SH3PXD2A: variants seen among roughly 807,000 people sequenced by gnomAD.
SH3PXD2A encodes the protein SH3 and PX domains 2A, also known as SH3 and PX domain-containing protein 2A.
Under a neutral mutation model 115.2 loss-of-function variants are expected in SH3PXD2A, and 32 were observed. The ratio of observed to expected loss-of-function variants is 0.28; its 90% confidence interval spans 0.21 to 0.37. The LOEUF (loss-of-function observed/expected upper bound fraction) is 0.37. Ranked by LOEUF, SH3PXD2A falls within the 10% of genes least tolerant of loss-of-function variation. The probability of loss-of-function intolerance (pLI) is 1.00; values close to 1 mark genes in which losing one functional copy is unlikely to be tolerated. For synonymous variants in SH3PXD2A, 610 were observed against 629.1 expected (o/e 0.97, Z 0.45); for missense variants, 1,328 against 1,498.7 (o/e 0.89, Z 1.88).
intron 3 of SH3PXD2A, among the ~76,000 whole-genome samples, chr10:103,738,149 A>G (rs956298987): frequency 6.6e-6 from 1 of 152,200 alleles, no homozygotes; most frequent in South Asian, 2.1e-4. Flanking sequence ...GATGGACAAC[A>G]CTGTGCAGAC....
At chr10:103,719,995 C>T (rs1172357147) in intron 5 of SH3PXD2A, among the ~76,000 whole-genome samples, 1 of 152,218 alleles carries the variant, frequency 6.6e-6, no homozygotes, top group East Asian at 1.9e-4. Flanking sequence ...GCTGGGATTA[C>T]AGGCGTGAGC....
intron 6 of SH3PXD2A, among the ~76,000 whole-genome samples, chr10:103,682,218 G>A (rs775729525): frequency 3.9e-5 from 6 of 152,174 alleles, no homozygotes; most frequent in Admixed American, 6.5e-5. Flanking sequence ...CCCCCTCCCC[G>A]CTCCGCCTTG....
chr10:103,672,965 C>A (rs960528877), intron 6 of SH3PXD2A, among the ~76,000 whole-genome samples: 2 of 152,194 alleles, frequency 1.3e-5, no homozygotes, highest in African/African-American at 4.8e-5. Context: ...CCTGGAGATT[C>A]CGGCCAAATA....
intron 1 of SH3PXD2A, among the ~76,000 whole-genome samples, chr10:103,828,756 T>A (rs1229163303): frequency 1.3e-5 from 2 of 152,010 alleles, no homozygotes; most frequent in African/African-American, 4.8e-5. Context: ...GCCTTTTGGG[T>A]CTTTGGAGAA....
chr10:103,687,559 C>A (rs2037694455), intron 6 of SH3PXD2A, among the ~76,000 whole-genome samples: 1 of 152,140 alleles, frequency 6.6e-6, no homozygotes, highest in Non-Finnish European at 1.5e-5. Flanking sequence ...TGCCTTGCCC[C>A]CTCCACTGCT....
chr10:103,661,079 G>C lies in SH3PXD2A; in HGVS notation c.508C>G (p.Gln170Glu), dbSNP rs753101031. Residue 170 changes from glutamine (Q) to glutamate (E), a missense_variant, in exon 8 of 15, where the codon CAG becomes GAG. Physicochemically the swap from Gln to Glu is conservative, Grantham distance 29. Coordinates refer to ENST00000369774, the MANE Select transcript of SH3PXD2A (RefSeq NM_001394015.1). ...DATAEPMILE[Q>E]YVVVSNYKKQ... ...TTATAGTTGGACACCACCACGTACT[G>C]TTCCAGGATCATGGGCTCGGCGGTG... 10 of 1,613,926 alleles carry C rather than the reference G, an allele frequency of 6.2e-6. No individual in the cohort carries two copies. Among genetic ancestry groups the C allele is most frequent in the South Asian group, 1.1e-5 (1 of 91,094 alleles).
At chr10:103,675,770 C>T (rs914565844) in intron 6 of SH3PXD2A, among the ~76,000 whole-genome samples, 1 of 152,168 alleles carries the variant, frequency 6.6e-6, no homozygotes, top group African/African-American at 2.4e-5. Context: ...TGGCCTTGTG[C>T]GGTGGCTCAC....
chr10:103,676,942 G>A lies in SH3PXD2A; in HGVS notation c.428-8290C>T, dbSNP rs139047783. On this transcript the variant is annotated intron_variant, in intron 6 of 14. Transcript: ENST00000369774. ...CACCCTCCAGCTCCCCCAGAAGCCC[G>A]AGCCAAAGCCAGTATTTGCGTTCAC... is the stretch of plus-strand genomic sequence containing the variant. Among the ~76,000 whole-genome samples, 677 of 152,032 alleles carry A rather than the reference G, an allele frequency of 4.5e-3. 22 individuals carry two copies. The highest frequency in any genetic ancestry group is 0.039 in the Admixed American group (602 of 15,288).
chr10:103,683,457 T>C (rs1312776726), intron 6 of SH3PXD2A, among the ~76,000 whole-genome samples: 4 of 151,984 alleles, frequency 2.6e-5, no homozygotes, highest in East Asian at 3.9e-4. Flanking sequence ...TAAATCGAGA[T>C]TGGGCTACTG....
chr10:103,731,852 T>C (rs890821511), intron 4 of SH3PXD2A, among the ~76,000 whole-genome samples: 1 of 152,180 alleles, frequency 6.6e-6, no homozygotes, highest in African/African-American at 2.4e-5. Context: ...TGAATGAGTC[T>C]GGGAAGTGCA....
chr10:103,771,967 CGTCA>C (rs1235091327), intron 2 of SH3PXD2A, among the ~76,000 whole-genome samples: 2 of 152,116 alleles, frequency 1.3e-5, no homozygotes, highest in Non-Finnish European at 2.9e-5. Flanking sequence ...AGCTGCTCTC[CGTCA>C]GTCATCCCCC....
rs1262623922 is a variant in SH3PXD2A, at chr10:103,599,825, A to G, written c.*1991T>C. On this transcript the variant is annotated 3_prime_UTR_variant, in exon 15 of 15. Transcript: ENST00000369774. ...ATTTAATACTGTCCAGCAGAAGAAA[A>G]TAACTAATTTCAATTTTAAACAAAC... The G allele has an allele frequency of 2.0e-5, 3 of 152,696 alleles. No homozygotes were observed. Among genetic ancestry groups the G allele is most frequent in the Middle Eastern group, 3.2e-3 (1 of 316 alleles). The allele number at this position is 152,696 out of a possible 1,614,324, so 9.5% of individuals were successfully genotyped here. A position where few individuals can be genotyped will look rare whatever the true frequency, so the allele number is the denominator to read the frequency against.
At chr10:103,743,917 A>C (rs2038470872) in intron 3 of SH3PXD2A, among the ~76,000 whole-genome samples, 1 of 152,236 alleles carries the variant, frequency 6.6e-6, no homozygotes, top group African/African-American at 2.4e-5. Flanking sequence ...CTTCTCACTC[A>C]ATAACAGGGT....
intron 5 of SH3PXD2A, among the ~76,000 whole-genome samples, chr10:103,697,228 C>A (rs912205177): frequency 5.3e-5 from 8 of 152,150 alleles, no homozygotes; most frequent in Non-Finnish European, 7.3e-5. Context: ...TAGCACCAAA[C>A]CCCTGGGGTT....
At chr10:103,615,599 G>C (rs2036506832) in intron 11 of SH3PXD2A, among the ~76,000 whole-genome samples, 1 of 151,368 alleles carries the variant, frequency 6.6e-6, no homozygotes, top group South Asian at 2.1e-4. Context: ...GTTGGGAAAT[G>C]GCATATTTAA....
rs1352056981 is a variant in SH3PXD2A, at chr10:103,598,877, G to A, written c.*2939C>T. ...TTAATATTCTCTTTGGGTTTGCAGG[G>A]TTTGTGCTGTGAGTTAGGGGGTGAG... On this transcript the variant is annotated 3_prime_UTR_variant, in exon 15 of 15. Transcript: ENST00000369774. The A allele has an allele frequency of 1.3e-5, 2 of 152,712 alleles. No individual in the cohort carries two copies. The highest frequency in any genetic ancestry group is 3.9e-4 in the East Asian group (2 of 5,168). 9.5% of individuals were successfully genotyped at this position (152,712 alleles called of 1,614,324 possible). A position where few individuals can be genotyped will look rare whatever the true frequency, so the allele number is the denominator to read the frequency against.
intron 3 of SH3PXD2A, among the ~76,000 whole-genome samples, chr10:103,750,101 G>A (rs1453259116): frequency 3.9e-5 from 6 of 152,194 alleles, no homozygotes; most frequent in African/African-American, 1.2e-4. Flanking sequence ...CGCCCAGGCT[G>A]GAGTGCAGTA....
chr10:103,602,949 G>T lies in SH3PXD2A; in HGVS notation c.2269C>A (p.Arg757=). Residue 757 remains arginine (R), a synonymous_variant, in exon 15 of 15, where the codon CGG becomes AGG. Coordinates refer to ENST00000369774, the MANE Select transcript of SH3PXD2A (RefSeq NM_001394015.1). The part of the protein sequence containing the change: ...TSCPRAKPSV[R]PKPFLNRAES... Reference sequence around the variant, plus strand: ...GCTCGGTTTAGGAATGGCTTGGGCCGGACCGATGGCTTGGCCCGGGGACAG... The same window carrying T: ...GCTCGGTTTAGGAATGGCTTGGGCCTGACCGATGGCTTGGCCCGGGGACAG... The T allele has an allele frequency of 6.2e-7, 1 of 1,614,224 alleles. No homozygotes were observed. Among genetic ancestry groups the T allele is most frequent in the Non-Finnish European group, 8.5e-7 (1 of 1,180,044 alleles).
chr10:103,821,059 G>A (rs758859906), intron 1 of SH3PXD2A, among the ~76,000 whole-genome samples: 3 of 152,024 alleles, frequency 2.0e-5, no homozygotes, highest in Non-Finnish European at 4.4e-5. Flanking sequence ...GATGGTTTCA[G>A]TGAGGATTAA....
Sources: gnomAD v4.1 joint callset for allele counts (sites outside exome capture counted in the v4.1 genomes callset) on GRCh38, gnomAD v4.1.1 for gene constraint, MANE v1.5 for transcripts, NCBI Gene and HGNC (gene_info 2026-07-23, HGNC 2026-07-21) for gene names.